Variants in CSGALNACT1 observed in about 807,000 individuals in gnomAD.
CSGALNACT1 encodes the protein beta4GalNAcT-1.
Under a neutral mutation model 51.0 loss-of-function variants are expected in CSGALNACT1, and 52 were observed. The observed-to-expected ratio is 1.02, with a 90% CI of 0.82 to 1.29. The LOEUF (loss-of-function observed/expected upper bound fraction) is 1.29. Ranked by LOEUF, CSGALNACT1 falls within the 50% of genes most tolerant of loss-of-function variation. CSGALNACT1 has a pLI of 0.00. For synonymous variants in CSGALNACT1, 341 were observed against 254.4 expected, an observed-to-expected ratio of 1.34 and a Z score of -3.24; for missense variants, 935 against 679.2, an observed-to-expected ratio of 1.38 and a Z score of -4.19.
At chr8:19,549,722 G>C (rs2087470562) in intron 3 of CSGALNACT1, among the ~76,000 whole-genome samples, 1 of 143,522 alleles carries the variant, frequency 7.0e-6, no homozygotes, top group Admixed American at 7.1e-5. Context: ...CCAAGAAAGG[G>C]TGCAGAGGAG....
chr8:19,703,338 CTG>C (rs930334987), intron 1 of CSGALNACT1, among the ~76,000 whole-genome samples: 1 of 152,200 alleles, frequency 6.6e-6, no homozygotes, highest in East Asian at 1.9e-4. Context: ...CCATCTCACT[CTG>C]TCACCCAGGC....
chr8:19,528,084 T>C (rs896452642), intron 3 of CSGALNACT1, among the ~76,000 whole-genome samples: 9 of 152,088 alleles, frequency 5.9e-5, no homozygotes, highest in African/African-American at 2.2e-4. Flanking sequence ...ACCCACATTG[T>C]TATGAACTTG....
intron 3 of CSGALNACT1, among the ~76,000 whole-genome samples, chr8:19,555,732 T>C (rs1219885205): frequency 2.0e-5 from 3 of 152,186 alleles, no homozygotes; most frequent in Non-Finnish European, 2.9e-5. Flanking sequence ...GATCTATTTC[T>C]ACTCACAATT....
In CSGALNACT1 at chr8:19,522,888, G is replaced by A. The variant is rs1587784886; in HGVS notation, c.-296-16758C>T. ...AAAAGATTCTTCCCAAAGTAAGGCTGCAAGATGTCTGTGGTGAGCGGAGTT... is the reference window on the plus strand; with the variant it reads ...AAAAGATTCTTCCCAAAGTAAGGCTACAAGATGTCTGTGGTGAGCGGAGTT... On this transcript the variant is annotated intron_variant, in intron 3 of 9. Coordinates refer to ENST00000454498, the Ensembl canonical transcript of CSGALNACT1. Among the ~76,000 whole-genome samples, 3 of 152,336 alleles carry A rather than the reference G, an allele frequency of 2.0e-5. No homozygotes were observed. In the East Asian group the frequency reaches 5.8e-4, roughly 29 times the overall value.
chr8:19,648,026 T>C (rs1163839012), intron 1 of CSGALNACT1, among the ~76,000 whole-genome samples: 2 of 152,206 alleles, frequency 1.3e-5, no homozygotes, highest in Non-Finnish European at 2.9e-5. Flanking sequence ...AGTAAATACA[T>C]TGTTGCTCAG....
At chr8:19,656,593 C>A (rs61005296) in intron 1 of CSGALNACT1, among the ~76,000 whole-genome samples, 34,972 of 95,730 alleles carry the variant, frequency 0.37, 5,139 homozygotes, top group East Asian at 0.69. Flanking sequence ...GAAACTACGC[C>A]CCCCCCCCAC....
rs2070332454 is a variant in CSGALNACT1 at position 19,478,281 on chromosome 8, G to T, written c.635-19639C>A. Among the ~76,000 whole-genome samples the T allele has an allele frequency of 2.0e-5, 3 of 152,202 alleles. No homozygotes were observed. The South Asian group carries it at 6.2e-4, about 32-fold the overall frequency. The stretch of plus-strand genomic sequence containing the variant: ...TACAAAAAATTGGCCGGGTGTGGTG[G>T]CGGGCACCTGTAGTCCCAGCTACTC... On this transcript the variant is annotated intron_variant, in intron 4 of 9. Transcript: ENST00000454498.
In CSGALNACT1 at chr8:19,629,180, G is replaced by C. The variant is rs1052195610; in HGVS notation, c.-543-27315C>G. ...CATGCCCAGAGGATACAGGACAAAT[G>C]AAAGAGACTTAAATCGAAAAAAACC... On this transcript the variant is annotated intron_variant, in intron 1 of 9. Transcript: ENST00000332246. Among the ~76,000 whole-genome samples the C allele has an allele frequency of 2.6e-5, 4 of 152,156 alleles. No individual in the cohort carries two copies. The East Asian group carries it at 7.7e-4, about 29-fold the overall frequency.
chr8:19,612,161 G>A (rs1215187620), intron 1 of CSGALNACT1, among the ~76,000 whole-genome samples: 2 of 151,964 alleles, frequency 1.3e-5, no homozygotes, highest in African/African-American at 4.8e-5. Context: ...TAGGCAACAT[G>A]GCAAAATCCT....
intron 3 of CSGALNACT1, among the ~76,000 whole-genome samples, chr8:19,540,897 G>T (rs2084942975): frequency 6.6e-6 from 1 of 152,052 alleles, no homozygotes; most frequent in Non-Finnish European, 1.5e-5. Flanking sequence ...TAGGTTAAAT[G>T]CCCTGAGGTA....
In CSGALNACT1 at chr8:19,594,509, A is replaced by C. The variant is rs182108314; in HGVS notation, c.-415-3231T>G. On this transcript the variant is annotated intron_variant, in intron 2 of 9. Coordinates refer to ENST00000454498, the Ensembl canonical transcript of CSGALNACT1. ...TGACCATTTACCAAAGAAAGAACTC[A>C]AGCTGCCCACATGCAATTAGCTAGT... is the stretch of plus-strand genomic sequence containing the variant. Among the ~76,000 whole-genome samples, 17 of 152,270 alleles carry C rather than the reference A, an allele frequency of 1.1e-4. No individual in the cohort carries two copies. In the East Asian group the frequency reaches 3.3e-3, roughly 29 times the overall value.
chr8:19,545,341 G>A (rs1410484681), intron 3 of CSGALNACT1, among the ~76,000 whole-genome samples: 2 of 152,090 alleles, frequency 1.3e-5, no homozygotes, highest in Non-Finnish European at 2.9e-5. Context: ...ACGTTTAATT[G>A]AACATTTAAA....
At chr8:19,687,004 T>C (rs2061015215), upstream of CSGALNACT1, among the ~76,000 whole-genome samples, 1 of 152,186 alleles carries the variant, frequency 6.6e-6, no homozygotes, top group African/African-American at 2.4e-5. Context: ...GCCCATATGC[T>C]AGGAAACACA....
chr8:19,597,306 T>C (rs2049151624), intron 2 of CSGALNACT1, among the ~76,000 whole-genome samples: 1 of 137,734 alleles, frequency 7.3e-6, no homozygotes, highest in African/African-American at 2.8e-5. Context: ...TTTTTTTTTT[T>C]TTTTTTGGAG....
intron 1 of CSGALNACT1, among the ~76,000 whole-genome samples, chr8:19,688,159 G>C (rs578259914): frequency 1.1e-4 from 16 of 152,248 alleles, no homozygotes; most frequent in African/African-American, 3.9e-4. Flanking sequence ...TTGGTCCCTG[G>C]AGACATCGGT....
At chr8:19,507,718 C>T (rs1343694288) in intron 3 of CSGALNACT1, among the ~76,000 whole-genome samples, 1 of 152,182 alleles carries the variant, frequency 6.6e-6, no homozygotes, top group East Asian at 1.9e-4. Flanking sequence ...ATCTCTGCCT[C>T]CTGGGTTCAA....
At chr8:19,639,469 C>G (rs2056490844) in intron 1 of CSGALNACT1, among the ~76,000 whole-genome samples, 1 of 152,204 alleles carries the variant, frequency 6.6e-6, no homozygotes, top group Non-Finnish European at 1.5e-5. Flanking sequence ...TTGCTAAAAT[C>G]TACTGTATCA....
chr8:19,415,283 G>T (rs1199404591), intron 8 of CSGALNACT1, among the ~76,000 whole-genome samples: 1 of 152,212 alleles, frequency 6.6e-6, no homozygotes, highest in East Asian at 1.9e-4. Context: ...TAGGCAGCGA[G>T]CACTCAAGAA....
intron 1 of CSGALNACT1, among the ~76,000 whole-genome samples, chr8:19,691,557 A>G (rs1474486894): frequency 1.3e-5 from 2 of 152,230 alleles, no homozygotes; most frequent in Non-Finnish European, 2.9e-5. Flanking sequence ...TGAGTGGGGC[A>G]GCACCCAGTC....
Sources: gnomAD v4.1 joint callset for allele counts (sites outside exome capture counted in the v4.1 genomes callset) on GRCh38, gnomAD v4.1.1 for gene constraint, MANE v1.5 for transcripts, NCBI Gene and HGNC (gene_info 2026-07-23, HGNC 2026-07-21) for gene names.